IKBKE: variants seen among roughly 807,000 people sequenced by gnomAD.
The protein encoded by IKBKE is inhibitor of nuclear factor kappa-B kinase subunit epsilon.
Under a neutral mutation model 92.1 loss-of-function variants are expected in IKBKE, and 45 were observed. The observed-to-expected ratio is 0.49, with a 90% CI of 0.38 to 0.63. The LOEUF (loss-of-function observed/expected upper bound fraction) is 0.63, where lower values mean the gene tolerates loss of function less well. Ranked by LOEUF, IKBKE falls within the 20% of genes least tolerant of loss-of-function variation. The probability of loss-of-function intolerance (pLI) is 0.00; values close to 1 mark genes in which losing one functional copy is unlikely to be tolerated. For synonymous variants in IKBKE, 374 were observed against 380.3 expected (o/e 0.98, Z 0.19); for missense variants, 700 against 932.8 (o/e 0.75, Z 3.25).
chr1:206,491,878 G>A, intron 18 of IKBKE, 129 bp downstream of exon 18: 2 of 659,704 alleles, frequency 3.0e-6, no homozygotes, highest in Non-Finnish European at 5.4e-6. Flanking sequence ...GCAGAGGAGT[G>A]GTTTTCTGTC....
intron 7 of IKBKE, 92 bp from the exon 8 acceptor site, chr1:206,477,657 G>A: frequency 5.4e-6 from 4 of 736,020 alleles, no homozygotes; most frequent in Non-Finnish European, 9.1e-6. Context: ...TGGGTGACTT[G>A]AACCTGTGCT....
chr1:206,494,415 G>T (rs1381822712), intron 21 of IKBKE, among the ~76,000 whole-genome samples: 1 of 151,990 alleles, frequency 6.6e-6, no homozygotes, highest in Non-Finnish European at 1.5e-5. Context: ...TGTTTCTCTG[G>T]CCTTGTGGGG....
At chr1:206,474,526 G>A in intron 4 of IKBKE, 55 bp downstream of exon 4, 2 of 1,509,566 alleles carry the variant, frequency 1.3e-6, no homozygotes. Flanking sequence ...TATGGTCTGG[G>A]GAGAATCAGG....
intron 7 of IKBKE, among the ~76,000 whole-genome samples, 195 bp from the exon 8 acceptor site, chr1:206,477,554 C>T (rs1450823884): frequency 2.0e-5 from 3 of 152,114 alleles, no homozygotes; most frequent in Admixed American, 6.5e-5. Flanking sequence ...CTACCTGAAG[C>T]AAAGGGCTCC....
At chr1:206,491,429 G>T (rs955922969) in intron 17 of IKBKE, 3 of 473,082 alleles carry the variant, frequency 6.3e-6, no homozygotes, top group African/African-American at 5.9e-5. Context: ...TGTCTCCCAC[G>T]TCTCCCTGTT....
intron 21 of IKBKE, 55 bp downstream of exon 21, chr1:206,494,046 C>A: frequency 6.7e-7 from 1 of 1,502,724 alleles, no homozygotes; most frequent in East Asian, 2.3e-5. Flanking sequence ...CTACCCTTGC[C>A]TGGGGGTGGT....
intron 20 of IKBKE, 26 bp downstream of exon 20, chr1:206,493,404 T>G (rs782768098): frequency 1.3e-6 from 2 of 1,523,414 alleles, no homozygotes; most frequent in South Asian, 2.2e-5. Context: ...AAAGCGGTTG[T>G]GTATCTGTGT....
At position 206,493,513 on chromosome 1, in the gene IKBKE, T is replaced by C. The variant is rs1666061147; in HGVS notation, c.2045+135T>C. ...GGCAAGATTAAAGAGACTAGCTGGG[T>C]GCGGTGGCTCACACCTGTAATCCCA... On this transcript the variant is annotated intron_variant, in intron 20 of 21. Transcript: ENST00000581977. The C allele has an allele frequency of 1.1e-5, 7 of 651,348 alleles. No individual in the cohort carries two copies. In the South Asian group the frequency reaches 1.2e-4, roughly 11 times the overall value. The allele number at this position is 651,348 out of a possible 1,614,324, so 40.3% of individuals were successfully genotyped here. A position where few individuals can be genotyped will look rare whatever the true frequency, so the allele number is the denominator to read the frequency against.
chr1:206,474,895 G>T lies in IKBKE; in HGVS notation c.259G>T (p.Glu87Ter), dbSNP rs1300049768. 2.5e-6 allele frequency: 4 copies of T among 1,613,986 alleles called. No individual in the cohort carries two copies. The African/African-American group carries it at 5.3e-5, about 22-fold the overall frequency. Residue 87 changes from glutamate (E) to a stop codon, truncating the protein, a stop_gained, in exon 5 of 22, where the codon GAG (glutamate) becomes TAG (stop). Coordinates refer to ENST00000581977, the MANE Select transcript of IKBKE (RefSeq NM_014002.4). LOFTEE classifies it high-confidence loss of function. ...GGSRQKVLVM[E>*]YCSSGSLLSV... The stretch of plus-strand genomic sequence containing the variant: ...AAGCCGGCAGAAGGTACTGGTGATG[G>T]AGTACTGCTCCAGTGGGAGCCTGCT...
intron 3 of IKBKE, 28 bp downstream of exon 3, chr1:206,473,342 T>G (rs782668001): frequency 5.2e-6 from 8 of 1,552,654 alleles, no homozygotes; most frequent in South Asian, 1.2e-5. Context: ...CCAGGCCCTG[T>G]CCAGCCCAGC....
chr1:206,475,410 TGAG>T (rs1196087827), intron 5 of IKBKE, among the ~76,000 whole-genome samples: 22 of 151,894 alleles, frequency 1.4e-4, no homozygotes, highest in African/African-American at 5.3e-4. Context: ...CAGAGGAGAA[TGAG>T]GAGTTGTTTA....
Position 206,496,373 on chromosome 1 carries a change from G to C in IKBKE, c.*228G>C, listed in dbSNP as rs1045188415. 1 of 551,876 alleles carries C rather than the reference G, an allele frequency of 1.8e-6. No individual in the cohort carries two copies. Among genetic ancestry groups the C allele is most frequent in the Non-Finnish European group, 3.2e-6 (1 of 308,160 alleles). The allele number at this position is 551,876 out of a possible 1,614,324, so 34.2% of individuals were successfully genotyped here. ...CACCTCTGTTGGGACCCACAGGAAA[G>C]AGTGTGGCAGCAACTGCCTGGCTGA... On this transcript the variant is annotated 3_prime_UTR_variant, in exon 22 of 22. Transcript: ENST00000581977.
Position 206,487,837 on chromosome 1 carries a change from C to G in IKBKE, c.1617-77C>G. ...GTGAGGCTCCTCCCCTATTCCACTG[C>G]CACCCTTCCCCTCCCTCCCTCTTTC... On this transcript the variant is annotated intron_variant, in intron 15 of 21. Coordinates refer to ENST00000581977, the MANE Select transcript of IKBKE (RefSeq NM_014002.4). This position sits in a 1 kb window ranked among gnomAD's most constrained non-coding sequence, Gnocchi z 5.3. The G allele has an allele frequency of 1.7e-6, 2 of 1,198,836 alleles. No individual in the cohort carries two copies. The highest frequency in any genetic ancestry group is 2.4e-6 in the Non-Finnish European group (2 of 824,318). 74.3% of individuals were successfully genotyped at this position (1,198,836 alleles called of 1,614,324 possible).
At chr1:206,486,630 C>A (rs929885272) in intron 15 of IKBKE, among the ~76,000 whole-genome samples, 1 of 151,402 alleles carries the variant, frequency 6.6e-6, no homozygotes, top group Non-Finnish European at 1.5e-5. Context: ...GATCGAGGCC[C>A]CATCCTTTTG....
In IKBKE at chr1:206,480,075, T is replaced by C. The variant is rs1665290475; in HGVS notation, c.1302T>C (p.Asp434=). 6.3e-7 allele frequency: 1 copy of C among 1,596,028 alleles called. No individual in the cohort carries two copies. The highest frequency in any genetic ancestry group is 8.5e-7 in the Non-Finnish European group (1 of 1,173,396). The change falls in exon 12 of 22, where the codon GAT becomes GAC. Residue 434 remains aspartate, a synonymous_variant. Transcript: ENST00000581977. ...QALRLARALL[D]GQELMFRGLH... is the part of the protein sequence containing the mutation. ...TGCGGCTGGCACGGGCCCTGCTGGA[T>C]GGGCAGGAGCTAATGTTTCGGGGGC...
chr1:206,481,766 CTTTTTTTTTTTTT>C (rs71152472), intron 13 of IKBKE, among the ~76,000 whole-genome samples: 17 of 46,536 alleles, frequency 3.7e-4, no homozygotes, highest in Non-Finnish European at 4.6e-4. Flanking sequence ...AAGGATGAGG[CTTTTTTTTTTTTT>C]TTTTTTTTTT....
chr1:206,476,228 A>G lies in IKBKE; in HGVS notation c.406A>G (p.Ile136Val). ...GGAGAACGGCATTGTGCATCGCGAC[A>G]TCAAGCCGGGGAACATCATGCGCCT... ...LRENGIVHRD[I>V]KPGNIMRLVG... The change falls in exon 6 of 22, where the codon ATC (isoleucine) becomes GTC (valine). Residue 136 changes from isoleucine to valine, a missense_variant. Transcript: ENST00000581977. This position sits in a 1 kb window ranked among gnomAD's most constrained non-coding sequence, Gnocchi z 5.1. 1.2e-6 allele frequency: 2 copies of G among 1,614,202 alleles called. No homozygotes were observed. The highest frequency in any genetic ancestry group is 1.1e-5 in the South Asian group (1 of 91,084).
chr1:206,482,082 G>T (rs1553387272), intron 13 of IKBKE, among the ~76,000 whole-genome samples: 1 of 152,068 alleles, frequency 6.6e-6, no homozygotes, highest in African/African-American at 2.4e-5. Context: ...CCCGGCCTAG[G>T]ATGAGGCTTT....
intron 13 of IKBKE, among the ~76,000 whole-genome samples, chr1:206,483,445 C>T (rs1665502765): frequency 6.6e-6 from 1 of 152,212 alleles, no homozygotes; most frequent in African/African-American, 2.4e-5. Flanking sequence ...TGACGGACTA[C>T]CATGTGCCGA....
Sources: allele counts gnomAD v4.1 joint callset (sites outside exome capture counted in the v4.1 genomes callset), GRCh38; gene constraint gnomAD v4.1.1; non-coding constraint Gnocchi (gnomAD v3.1); transcripts MANE v1.5; gene names NCBI Gene and HGNC (gene_info 2026-07-23, HGNC 2026-07-21).